The following ATP8A2 variants were observed in gnomAD, a reference collection of about 807,000 sequenced individuals.
ATP8A2 encodes the protein phospholipid-transporting ATPase IB.
Under a neutral mutation model 165.6 loss-of-function variants are expected in ATP8A2, and 100 were observed. That is an observed-to-expected ratio of 0.60 (90% CI 0.51 to 0.71). ATP8A2 has a LOEUF of 0.71. Ranked by LOEUF, ATP8A2 falls within the 30% of genes least tolerant of loss-of-function variation. The pLI, the probability that ATP8A2 is intolerant of heterozygous loss-of-function variation, is 0.00. For synonymous variants in ATP8A2, 543 were observed against 548.8 expected (o/e 0.99, Z 0.15); for missense variants, 1,227 against 1,479.5 (o/e 0.83, Z 2.80).
Position 26,020,191 on chromosome 13 carries a change from A to G in ATP8A2, c.*206A>G, listed in dbSNP as rs563732013. The G allele has an allele frequency of 1.2e-5, 7 of 580,590 alleles. No individual in the cohort carries two copies. Among genetic ancestry groups the G allele is most frequent in the Admixed American group, 3.1e-5 (1 of 32,438 alleles). 36.0% of individuals were successfully genotyped at this position (580,590 alleles called of 1,614,324 possible). ...AGGGGAAGCTATCTTTGCCCTCCCA[A>G]CTCGTCTGCAGTGCTTAGCCTAACT... On this transcript the variant is annotated 3_prime_UTR_variant, in exon 37 of 37. Coordinates refer to ENST00000381655, the MANE Select transcript of ATP8A2 (RefSeq NM_016529.6).
intron 23 of ATP8A2, among the ~76,000 whole-genome samples, chr13:25,588,938 C>G (rs968259523): frequency 6.6e-6 from 1 of 152,040 alleles, no homozygotes; most frequent in African/African-American, 2.4e-5. Context: ...TGACTGCTCA[C>G]CCAGGGCAAA....
rs59081934 is a variant in ATP8A2, at chr13:25,762,268, C to CAAAAAAAAAA, written c.2385-6759_2385-6750dup. Reference sequence around the variant, plus strand: ...TGGGTGATGGAGTGAGACTCTGTCTCAAAAAAAAAAAAAAAAAAAAAAAAA... The same window carrying CAAAAAAAAAA: ...TGGGTGATGGAGTGAGACTCTGTCTCAAAAAAAAAAAAAAAAAAAAAAAAAAAAAAAAAAA... On this transcript the variant is annotated intron_variant, in intron 25 of 36. Transcript: ENST00000381655. Among the ~76,000 whole-genome samples the CAAAAAAAAAA allele has an allele frequency of 9.0e-3, 373 of 41,296 alleles. 121 individuals carry two copies. The highest frequency in any genetic ancestry group is 0.019 in the African/African-American group (172 of 9,246). 27.1% of individuals were successfully genotyped at this position (41,296 alleles called of 152,430 possible).
intron 35 of ATP8A2, among the ~76,000 whole-genome samples, chr13:26,006,991 TAAA>T (rs576126332): frequency 6.9e-6 from 1 of 144,658 alleles, no homozygotes; most frequent in African/African-American, 2.5e-5. Flanking sequence ...ATTCTCTCTT[TAAA>T]AAAAAAAAAG....
intron 33 of ATP8A2, among the ~76,000 whole-genome samples, chr13:25,949,771 ATGT>A (rs1235362078): frequency 2.6e-5 from 4 of 152,140 alleles, no homozygotes; most frequent in African/African-American, 9.7e-5. Flanking sequence ...TGCTTTATTT[ATGT>A]TGTTGTTAAA....
At chr13:25,424,347 G>A (rs2034382510) in intron 1 of ATP8A2, among the ~76,000 whole-genome samples, 2 of 152,182 alleles carry the variant, frequency 1.3e-5, no homozygotes, top group Non-Finnish European at 2.9e-5. Context: ...ACACATGGCA[G>A]TGTTGTTTCA....
intron 27 of ATP8A2, among the ~76,000 whole-genome samples, chr13:25,826,629 C>T (rs1286092461): frequency 6.6e-6 from 1 of 152,140 alleles, no homozygotes; most frequent in African/African-American, 2.4e-5. Context: ...TCTATGTTGC[C>T]AGTTAGGTTC....
intron 24 of ATP8A2, among the ~76,000 whole-genome samples, chr13:25,673,340 G>A (rs377433596): frequency 2.0e-5 from 3 of 152,280 alleles, no homozygotes; most frequent in African/African-American, 7.2e-5. Context: ...TTTTGGATAG[G>A]ATACAAGAAG....
chr13:25,975,123 C>T (rs914661304), intron 35 of ATP8A2, among the ~76,000 whole-genome samples: 10 of 152,092 alleles, frequency 6.6e-5, no homozygotes, highest in African/African-American at 1.9e-4. Context: ...TGCACTGTGT[C>T]CCAAGCACTG....
intron 24 of ATP8A2, among the ~76,000 whole-genome samples, chr13:25,623,428 A>T (rs757539217): frequency 6.7e-6 from 1 of 148,160 alleles, no homozygotes; most frequent in Non-Finnish European, 1.5e-5. Context: ...CAGGACTATG[A>T]TTTTTTTTTT....
intron 2 of ATP8A2, among the ~76,000 whole-genome samples, chr13:25,529,086 C>T (rs1290426799): frequency 6.6e-6 from 1 of 152,010 alleles, no homozygotes; most frequent in African/African-American, 2.4e-5. Flanking sequence ...GTTTGGTTTT[C>T]TGTCCTTGTG....
intron 2 of ATP8A2, among the ~76,000 whole-genome samples, chr13:25,509,422 C>T (rs2037150908): frequency 6.6e-6 from 1 of 151,892 alleles, no homozygotes; most frequent in Admixed American, 6.6e-5. Flanking sequence ...AAACTATTTA[C>T]AAAATTTTCT....
At chr13:25,518,292 G>A (rs762989169) in intron 2 of ATP8A2, among the ~76,000 whole-genome samples, 7 of 152,240 alleles carry the variant, frequency 4.6e-5, no homozygotes, top group Non-Finnish European at 7.3e-5. Context: ...GAGCCTGCTA[G>A]GATGGAAGGC....
At chr13:25,763,583 C>T (rs2044429337) in intron 25 of ATP8A2, among the ~76,000 whole-genome samples, 1 of 152,182 alleles carries the variant, frequency 6.6e-6, no homozygotes, top group South Asian at 2.1e-4. Flanking sequence ...ACTATCCTTT[C>T]CCACTACTGC....
intron 1 of ATP8A2, among the ~76,000 whole-genome samples, chr13:25,378,489 T>A (rs1280486456): frequency 3.3e-5 from 5 of 152,176 alleles, no homozygotes; most frequent in East Asian, 3.8e-4. Flanking sequence ...CCATTTTGAT[T>A]GGTTTGTTTC....
intron 33 of ATP8A2, among the ~76,000 whole-genome samples, chr13:25,959,403 C>T (rs902610812): frequency 1.3e-5 from 2 of 152,200 alleles, no homozygotes; most frequent in East Asian, 1.9e-4. Context: ...TCAAGTCCAT[C>T]GGGGCCTGGG....
intron 30 of ATP8A2, among the ~76,000 whole-genome samples, chr13:25,852,220 G>A (rs967791711): frequency 3.3e-5 from 5 of 152,144 alleles, no homozygotes; most frequent in African/African-American, 1.2e-4. Flanking sequence ...GGGACATTTG[G>A]CAATGTCTGC....
intron 4 of ATP8A2, among the ~76,000 whole-genome samples, chr13:25,531,110 T>C (rs2038017559): frequency 6.8e-6 from 1 of 148,050 alleles, no homozygotes; most frequent in South Asian, 2.1e-4. Context: ...TCTTGCTCTG[T>C]CTCCCCCTAT....
At chr13:25,816,482 A>G (rs912038183) in intron 27 of ATP8A2, among the ~76,000 whole-genome samples, 2 of 152,184 alleles carry the variant, frequency 1.3e-5, no homozygotes, top group Non-Finnish European at 2.9e-5. Flanking sequence ...ACCCAGCCCA[A>G]GTGGCCACCA....
intron 27 of ATP8A2, among the ~76,000 whole-genome samples, chr13:25,800,555 C>A (rs531749384): frequency 6.6e-6 from 1 of 152,250 alleles, no homozygotes; most frequent in East Asian, 1.9e-4. Context: ...AGTAGTGTGG[C>A]AGGCTCCTGG....
Sources: gnomAD v4.1 joint callset for allele counts (sites outside exome capture counted in the v4.1 genomes callset) on GRCh38, gnomAD v4.1.1 for gene constraint, MANE v1.5 for transcripts, NCBI Gene and HGNC (gene_info 2026-07-23, HGNC 2026-07-21) for gene names.